The following DOCK2 variants were observed in gnomAD, a reference collection of about 807,000 sequenced individuals.
The protein encoded by DOCK2 is dedicator of cytokinesis 2, also known as dedicator of cytokinesis protein 2.
DOCK2 carries 87 observed loss-of-function variants against 248.9 expected under a neutral mutation model. The ratio of observed to expected loss-of-function variants is 0.35; its 90% CI spans 0.29 to 0.42. The LOEUF is 0.42. DOCK2 is among the 10% of genes least tolerant of loss of function. The probability of loss-of-function intolerance (pLI) is 1.00; values close to 1 mark genes in which losing one functional copy is unlikely to be tolerated. For synonymous variants in DOCK2, 805 were observed against 821.6 expected, an observed-to-expected ratio of 0.98 and a Z score of 0.35; for missense variants, 1,747 against 2,300.2, an observed-to-expected ratio of 0.76 and a Z score of 4.92.
At chr5:169,704,799 G>GTGTGTGTC (rs1761168879) in intron 14 of DOCK2, among the ~76,000 whole-genome samples, 1 of 129,478 alleles carries the variant, frequency 7.7e-6, no homozygotes, top group African/African-American at 2.7e-5. Context: ...GTGTGTGTGT[G>GTGTGTGTC]TGTGTGTATG....
At chr5:169,713,061 T>TC (rs1214660263) in intron 17 of DOCK2, among the ~76,000 whole-genome samples, 2 of 152,248 alleles carry the variant, frequency 1.3e-5, no homozygotes, top group Non-Finnish European at 2.9e-5. Flanking sequence ...CACAGCCTCG[T>TC]CAAGGCTTCA....
chr5:169,728,804 T>G (rs1025705841), intron 22 of DOCK2, among the ~76,000 whole-genome samples: 9 of 146,266 alleles, frequency 6.2e-5, no homozygotes, highest in Non-Finnish European at 1.2e-4. Flanking sequence ...CTTCAGAATC[T>G]GGGGAAAATT....
At chr5:169,976,218 C>A (rs1324790480) in intron 27 of DOCK2, among the ~76,000 whole-genome samples, 1 of 152,244 alleles carries the variant, frequency 6.6e-6, no homozygotes, top group Non-Finnish European at 1.5e-5. Context: ...CAAATCTCTG[C>A]CCATGAGAGT....
chr5:170,065,959 T>TG (rs1248610480), intron 44 of DOCK2, among the ~76,000 whole-genome samples: 3 of 151,110 alleles, frequency 2.0e-5, no homozygotes, highest in Admixed American at 6.6e-5. Flanking sequence ...AACTGTTTTT[T>TG]TTTTTTTTTT....
intron 27 of DOCK2, among the ~76,000 whole-genome samples, chr5:169,867,447 A>ATCTGTCTG (rs80041345): frequency 6.6e-6 from 1 of 150,846 alleles, no homozygotes; most frequent in Non-Finnish European, 1.5e-5. Flanking sequence ...CTATCTATCT[A>ATCTGTCTG]TCTGTCTGTC....
intron 27 of DOCK2, among the ~76,000 whole-genome samples, chr5:169,868,577 A>G (rs1489619418): frequency 3.9e-5 from 6 of 152,114 alleles, no homozygotes. Context: ...TGGGCAACAT[A>G]GCGAGACACC....
intron 27 of DOCK2, chr5:169,881,556 G>A: frequency 1.3e-6 from 1 of 750,854 alleles, no homozygotes; most frequent in Non-Finnish European, 2.3e-6. Context: ...GTGCTCTGAA[G>A]TTGCACGGCC....
At chr5:169,722,360 GC>G (rs141622543) in intron 22 of DOCK2, among the ~76,000 whole-genome samples, 15 of 152,296 alleles carry the variant, frequency 9.8e-5, no homozygotes, top group Non-Finnish European at 1.5e-4. Flanking sequence ...GAATCAGACT[GC>G]AGAGTTAGGA....
chr5:170,041,242 C>A, intron 37 of DOCK2, 97 bp downstream of exon 37: 3 of 1,132,924 alleles, frequency 2.6e-6, no homozygotes, highest in Non-Finnish European at 2.6e-6. Flanking sequence ...AAAAAGAATC[C>A]AAATATTTTG....
intron 44 of DOCK2, among the ~76,000 whole-genome samples, chr5:170,065,016 G>A (rs1040759092): frequency 6.6e-6 from 1 of 151,830 alleles, no homozygotes; most frequent in African/African-American, 2.4e-5. Context: ...CTAGTATAAA[G>A]ATTTAAAGGC....
intron 27 of DOCK2, among the ~76,000 whole-genome samples, chr5:169,890,617 G>A (rs186000338): frequency 1.3e-5 from 2 of 152,262 alleles, no homozygotes; most frequent in East Asian, 3.9e-4. Flanking sequence ...GTTGTAAGTG[G>A]TCAAAGAAAC....
chr5:170,006,471 C>T lies in DOCK2; in HGVS notation c.3073-2026C>T, dbSNP rs1755037619. 2.6e-5 allele frequency among the ~76,000 whole-genome samples: 4 copies of T among 152,072 alleles called. 1 individual carries two copies. In the South Asian group the frequency reaches 8.3e-4, roughly 32 times the overall value. ...GGGATTACAGGTGTGTGCCACCATG[C>T]CCGGCTAATTTTTGTATTTTTAGTA... On this transcript the variant is annotated intron_variant, in intron 30 of 51. Coordinates refer to ENST00000520908, the MANE Select transcript of DOCK2 (RefSeq NM_004946.3).
In DOCK2 at chr5:169,805,570, G is replaced by C. The variant is rs530504764; in HGVS notation, c.2703+2364G>C. ...CCAGTTATAATGTGCTAATTGTCAA[G>C]TTCCTGGTTTGGTGGAAAGATGGCC... On this transcript the variant is annotated intron_variant, in intron 26 of 51. Transcript: ENST00000520908. 1.2e-4 allele frequency among the ~76,000 whole-genome samples: 18 copies of C among 152,374 alleles called. 1 individual carries two copies. The South Asian group carries it at 3.5e-3, about 30-fold the overall frequency.
chr5:169,882,924 T>C, intron 27 of DOCK2: 1 of 1,551,940 alleles, frequency 6.4e-7, no homozygotes, highest in South Asian at 1.2e-5. Flanking sequence ...AGTCTGAGGC[T>C]CTTCCTGGGT....
At chr5:169,824,163 G>T (rs1045568247) in intron 26 of DOCK2, among the ~76,000 whole-genome samples, 5 of 152,084 alleles carry the variant, frequency 3.3e-5, no homozygotes, top group African/African-American at 1.2e-4. Flanking sequence ...TCATGGGTAG[G>T]AAGAATCAAT....
intron 26 of DOCK2, among the ~76,000 whole-genome samples, chr5:169,803,929 G>C (rs975016262): frequency 2.0e-5 from 3 of 152,190 alleles, no homozygotes; most frequent in African/African-American, 7.2e-5. Context: ...TGCTGGATCT[G>C]ACCCAGGTTC....
chr5:169,751,806 A>G (rs1359126712), intron 23 of DOCK2, among the ~76,000 whole-genome samples: 3 of 152,240 alleles, frequency 2.0e-5, no homozygotes. Flanking sequence ...GGTACCTACC[A>G]TGTTCCAGAC....
intron 26 of DOCK2, among the ~76,000 whole-genome samples, chr5:169,821,141 G>T (rs1768408654): frequency 6.6e-6 from 1 of 152,220 alleles, no homozygotes. Context: ...ATCTACGTCT[G>T]ATTGGTGTAC....
intron 5 of DOCK2, among the ~76,000 whole-genome samples, chr5:169,673,596 C>T: frequency 6.6e-6 from 1 of 152,162 alleles, no homozygotes; most frequent in East Asian, 1.9e-4. Flanking sequence ...TCATAGCTCA[C>T]TGCAGTGCTA....
Sources: gnomAD v4.1 joint callset for allele counts (sites outside exome capture counted in the v4.1 genomes callset) on GRCh38, gnomAD v4.1.1 for gene constraint, MANE v1.5 for transcripts, NCBI Gene and HGNC (gene_info 2026-07-23, HGNC 2026-07-21) for gene names.